MAPRE2: variants seen among roughly 807,000 people sequenced by gnomAD.
MAPRE2 encodes microtubule-associated protein RP/EB family member 2.
In MAPRE2, 13 loss-of-function variants were observed where a neutral mutation model predicts 43.2. The observed-to-expected ratio is 0.30, with a 90% CI of 0.20 to 0.48. The LOEUF is 0.48. Ranked by LOEUF, MAPRE2 falls within the 20% of genes least tolerant of loss-of-function variation. The pLI, the probability that MAPRE2 is intolerant of heterozygous loss-of-function variation, is 0.99. For missense variants in MAPRE2, 161 were observed against 400.2 expected (o/e 0.40, Z 5.10); for synonymous variants, 135 against 148.8 (o/e 0.91, Z 0.68).
At chr18:35,054,579 G>A (rs544757069) in intron 1 of MAPRE2, among the ~76,000 whole-genome samples, 5 of 152,294 alleles carry the variant, frequency 3.3e-5, no homozygotes, top group South Asian at 2.1e-4. Flanking sequence ...TGAGAGTTGC[G>A]AGTGTTCTTT....
chr18:35,035,452 T>G (rs926540013), intron 2 of MAPRE2, among the ~76,000 whole-genome samples: 3 of 151,872 alleles, frequency 2.0e-5, no homozygotes, highest in Non-Finnish European at 4.4e-5. Context: ...GCATGACACA[T>G]GTATACATAT....
chr18:35,123,774 G>A (rs1040853019), intron 4 of MAPRE2, among the ~76,000 whole-genome samples: 3 of 152,172 alleles, frequency 2.0e-5, no homozygotes, highest in Non-Finnish European at 4.4e-5. Flanking sequence ...GCCTCTGCTA[G>A]GTCTTATATA....
intron 1 of MAPRE2, among the ~76,000 whole-genome samples, chr18:34,980,003 TTTC>T (rs761992676): frequency 4.7e-5 from 7 of 147,894 alleles, no homozygotes; most frequent in African/African-American, 7.7e-5. Flanking sequence ...CTCAATTTCT[TTTC>T]TTTTCTTTTT....
intron 2 of MAPRE2, among the ~76,000 whole-genome samples, chr18:35,035,796 C>T (rs893417286): frequency 6.8e-6 from 1 of 146,266 alleles, no homozygotes; most frequent in Non-Finnish European, 1.5e-5. Context: ...TTCACAGTCT[C>T]TTTTTGCAGG....
intron 4 of MAPRE2, among the ~76,000 whole-genome samples, chr18:35,107,854 T>C (rs1490274931): frequency 6.6e-6 from 1 of 152,112 alleles, no homozygotes; most frequent in South Asian, 2.1e-4. Context: ...CAGAGTCTGT[T>C]GAATTTTCCT....
chr18:34,991,462 C>T (rs1488798385), intron 1 of MAPRE2, among the ~76,000 whole-genome samples: 2 of 152,186 alleles, frequency 1.3e-5, no homozygotes, highest in East Asian at 3.8e-4. Context: ...CGAGAGGCTC[C>T]TGGTACTGCT....
At chr18:35,134,996 A>T (rs1014937440) in intron 6 of MAPRE2, among the ~76,000 whole-genome samples, 1 of 152,236 alleles carries the variant, frequency 6.6e-6, no homozygotes, top group South Asian at 2.1e-4. Flanking sequence ...GAAGAGAATT[A>T]CTCAGAGTAA....
At chr18:35,121,677 C>G (rs186334532) in intron 4 of MAPRE2, among the ~76,000 whole-genome samples, 7 of 152,226 alleles carry the variant, frequency 4.6e-5, no homozygotes, top group Non-Finnish European at 7.4e-5. Context: ...TAGGTGCACT[C>G]TCTGTAAAAG....
intron 1 of MAPRE2, among the ~76,000 whole-genome samples, chr18:34,988,074 T>C (rs1311015251): frequency 6.6e-6 from 1 of 152,208 alleles, no homozygotes; most frequent in African/African-American, 2.4e-5. Flanking sequence ...CAAATCTCTT[T>C]TGTTTTTCAT....
At chr18:35,017,146 T>G (rs76192118) in intron 2 of MAPRE2, among the ~76,000 whole-genome samples, 1 of 152,070 alleles carries the variant, frequency 6.6e-6, no homozygotes, top group East Asian at 1.9e-4. Context: ...TCTGTTCTGT[T>G]AGCCTGTGTG....
At chr18:35,107,923 A>G (rs1179124070) in intron 4 of MAPRE2, among the ~76,000 whole-genome samples, 9 of 150,190 alleles carry the variant, frequency 6.0e-5, no homozygotes, top group Admixed American at 5.3e-4. Context: ...TGTTTCTTGT[A>G]TTTTAGTGCT....
chr18:35,056,270 A>C (rs1258448920), intron 1 of MAPRE2, among the ~76,000 whole-genome samples: 1 of 152,158 alleles, frequency 6.6e-6, no homozygotes, highest in African/African-American at 2.4e-5. Context: ...AAATATACAT[A>C]ATGAACCCAT....
At chr18:34,997,644 C>T (rs767441849) in intron 1 of MAPRE2, among the ~76,000 whole-genome samples, 9 of 152,076 alleles carry the variant, frequency 5.9e-5, no homozygotes, top group East Asian at 1.9e-4. Flanking sequence ...GGTGAAACCC[C>T]GTCTCTACTA....
intron 4 of MAPRE2, among the ~76,000 whole-genome samples, chr18:35,120,288 C>T (rs1386272837): frequency 6.6e-6 from 1 of 152,194 alleles, no homozygotes. Context: ...GAGGACTGCC[C>T]ACTCTTAAGA....
At chr18:35,115,052 C>T (rs1909350514) in intron 4 of MAPRE2, among the ~76,000 whole-genome samples, 1 of 152,084 alleles carries the variant, frequency 6.6e-6, no homozygotes, top group Non-Finnish European at 1.5e-5. Flanking sequence ...GGGCAGGAAT[C>T]GAAAACAGCT....
intron 1 of MAPRE2, among the ~76,000 whole-genome samples, chr18:35,004,565 T>C (rs1179166635): frequency 1.3e-5 from 2 of 152,260 alleles, no homozygotes; most frequent in African/African-American, 2.4e-5. Flanking sequence ...ATCAGTTTAC[T>C]GTCTTACTGC....
chr18:34,977,857 C>A (rs906299423), intron 1 of MAPRE2, among the ~76,000 whole-genome samples: 10 of 152,194 alleles, frequency 6.6e-5, no homozygotes, highest in African/African-American at 2.4e-4. Context: ...AGCCAGAAAT[C>A]CCACAAAGAG....
At chr18:35,088,184 A>C (rs519581) in intron 2 of MAPRE2, among the ~76,000 whole-genome samples, 41,142 of 152,036 alleles carry the variant, frequency 0.27, 7,033 homozygotes, top group East Asian at 0.52. Flanking sequence ...GAGTTAATAA[A>C]ACAGGATGAG....
intron 1 of MAPRE2, among the ~76,000 whole-genome samples, chr18:35,057,650 A>G (rs1906308383): frequency 1.3e-5 from 2 of 152,168 alleles, no homozygotes; most frequent in Admixed American, 6.5e-5. Flanking sequence ...CTTCTGTTCC[A>G]TATACAATAT....
Sources: gnomAD v4.1 joint callset for allele counts (sites outside exome capture counted in the v4.1 genomes callset) on GRCh38, gnomAD v4.1.1 for gene constraint, MANE v1.5 for transcripts, NCBI Gene and HGNC (gene_info 2026-07-23, HGNC 2026-07-21) for gene names.